The following VPS13A variants were observed in gnomAD, a reference collection of about 807,000 sequenced individuals.
The protein encoded by VPS13A is vacuolar protein sorting 13 homolog A.
A neutral mutation model predicts 390.9 loss-of-function variants in VPS13A; 264 were observed. The observed-to-expected ratio is 0.68, with a 90% CI of 0.61 to 0.75. The LOEUF (loss-of-function observed/expected upper bound fraction) is 0.75, where lower values mean the gene tolerates loss of function less well. Ranked by LOEUF, VPS13A falls within the 30% of genes least tolerant of loss-of-function variation. The probability of loss-of-function intolerance (pLI) is 0.00; values close to 1 mark genes in which losing one functional copy is unlikely to be tolerated. For synonymous variants in VPS13A, 1,231 were observed against 1,227.1 expected, an observed-to-expected ratio of 1.00 and a Z score of -0.07; for missense variants, 3,409 against 3,733.9, an observed-to-expected ratio of 0.91 and a Z score of 2.27.
chr9:77,240,920 T>G (rs972223469), intron 19 of VPS13A, among the ~76,000 whole-genome samples: 3 of 152,226 alleles, frequency 2.0e-5, no homozygotes, highest in Non-Finnish European at 4.4e-5. Context: ...TGTTTTTTTT[T>G]GTACATTATC....
intron 1 of VPS13A, among the ~76,000 whole-genome samples, chr9:77,196,283 G>T (rs1824995998): frequency 6.6e-6 from 1 of 152,056 alleles, no homozygotes. Flanking sequence ...AATCAAATTG[G>T]TATTTAGAAT....
chr9:77,253,830 T>G (rs1825283832), intron 22 of VPS13A, among the ~76,000 whole-genome samples: 1 of 152,104 alleles, frequency 6.6e-6, no homozygotes, highest in Non-Finnish European at 1.5e-5. Context: ...CTTTTCTTCT[T>G]TGTTTACCTT....
At chr9:77,409,402 C>T (rs990887114) in intron 71 of VPS13A, among the ~76,000 whole-genome samples, 19 of 152,174 alleles carry the variant, frequency 1.2e-4, no homozygotes, top group African/African-American at 3.4e-4. Flanking sequence ...CTCTCCTCCT[C>T]CAAAGGAACG....
At chr9:77,276,986 A>T (rs1315196505) in intron 26 of VPS13A, among the ~76,000 whole-genome samples, 1 of 152,122 alleles carries the variant, frequency 6.6e-6, no homozygotes, top group African/African-American at 2.4e-5. Flanking sequence ...GGGGGATTAG[A>T]GCGTAGGTAT....
At chr9:77,205,150 G>A (rs1217671529) in intron 3 of VPS13A, among the ~76,000 whole-genome samples, 163 bp from the exon 4 acceptor site, 1 of 152,126 alleles carries the variant, frequency 6.6e-6, no homozygotes, top group Admixed American at 6.5e-5. Flanking sequence ...ACAAACACTT[G>A]TTGTTTGTAG....
intron 59 of VPS13A, among the ~76,000 whole-genome samples, chr9:77,364,455 A>C (rs1013522032): frequency 6.6e-6 from 1 of 152,044 alleles, no homozygotes; most frequent in African/African-American, 2.4e-5. Flanking sequence ...AAAAAAACCC[A>C]TAAAGGAAGC....
intron 1 of VPS13A, among the ~76,000 whole-genome samples, chr9:77,186,227 T>C (rs72740395): frequency 0.037 from 5,665 of 152,324 alleles, 159 homozygotes; most frequent in Non-Finnish European, 0.054. Flanking sequence ...TTCTGCCCAT[T>C]GTAACATTGT....
chr9:77,272,409 G>A (rs1826402834), intron 23 of VPS13A, among the ~76,000 whole-genome samples: 1 of 152,158 alleles, frequency 6.6e-6, no homozygotes, highest in African/African-American at 2.4e-5. Context: ...TTATAGTAGT[G>A]CTACAAGCAA....
chr9:77,194,931 T>G, intron 1 of VPS13A, among the ~76,000 whole-genome samples: 1 of 152,152 alleles, frequency 6.6e-6, no homozygotes, highest in East Asian at 1.9e-4. Flanking sequence ...GTCTGTTCAC[T>G]GTATATAGTG....
chr9:77,177,843 C>A, intron 1 of VPS13A, 39 bp downstream of exon 1: 1 of 1,570,450 alleles, frequency 6.4e-7, no homozygotes. Flanking sequence ...GCCTCTCGTG[C>A]TTCCCGGCCG....
chr9:77,316,452 T>A lies in VPS13A; in HGVS notation c.4863+46T>A, dbSNP rs776467785. On this transcript the variant is annotated intron_variant, in intron 39 of 71. Transcript: ENST00000360280. ...TCTGCTTAATTGTAACTATTTTGGA[T>A]GTAGTGTATACCATTTTAGGAAACA... The A allele has an allele frequency of 1.3e-5, 20 of 1,543,258 alleles. 1 individual carries two copies. In the South Asian group the frequency reaches 2.1e-4, roughly 16 times the overall value.
intron 53 of VPS13A, among the ~76,000 whole-genome samples, chr9:77,353,190 C>A (rs1831565867): frequency 6.6e-6 from 1 of 151,952 alleles, no homozygotes; most frequent in Non-Finnish European, 1.5e-5. Flanking sequence ...ATTGGCCTGT[C>A]TTTATGAGTA....
intron 68 of VPS13A, among the ~76,000 whole-genome samples, chr9:77,386,495 C>CG (rs560738781): frequency 6.3e-4 from 92 of 146,008 alleles, no homozygotes; most frequent in African/African-American, 2.0e-3. Context: ...AAGAATTTAT[C>CG]GGAAAAAAAA....
In VPS13A at chr9:77,418,378, G is replaced by A. The variant is rs1835237151; in HGVS notation, c.*2372G>A. The A allele has an allele frequency of 2.0e-5, 3 of 152,166 alleles. No individual in the cohort carries two copies. Among genetic ancestry groups the A allele is most frequent in the African/African-American group, 7.2e-5 (3 of 41,442 alleles). 9.4% of individuals were successfully genotyped at this position (152,166 alleles called of 1,614,324 possible). ...ATAATTGTGTGAGGACTAAGGCAGA[G>A]TGCCTGTTCCCTGCCAACTCTCCAC... On this transcript the variant is annotated 3_prime_UTR_variant, in exon 72 of 72. Transcript: ENST00000360280.
intron 68 of VPS13A, among the ~76,000 whole-genome samples, chr9:77,386,223 T>G (rs1833676020): frequency 6.6e-6 from 1 of 152,196 alleles, no homozygotes; most frequent in African/African-American, 2.4e-5. Flanking sequence ...TTGGCCAAAA[T>G]CAAACAAAAC....
At chr9:77,264,168 C>T (rs1317718722) in intron 23 of VPS13A, among the ~76,000 whole-genome samples, 1 of 152,142 alleles carries the variant, frequency 6.6e-6, no homozygotes, top group Non-Finnish European at 1.5e-5. Flanking sequence ...TGTTTTGGTA[C>T]CAGTACCATT....
intron 34 of VPS13A, among the ~76,000 whole-genome samples, chr9:77,303,971 CTT>C (rs1239529462): frequency 2.0e-5 from 3 of 152,148 alleles, no homozygotes; most frequent in Non-Finnish European, 4.4e-5. Flanking sequence ...AGGCTTTCCT[CTT>C]TTACTAATCC....
intron 9 of VPS13A, among the ~76,000 whole-genome samples, chr9:77,213,629 T>C (rs149023289): frequency 8.2e-4 from 125 of 151,984 alleles, no homozygotes; most frequent in African/African-American, 2.1e-3. Context: ...GCCTCTTGAG[T>C]AGCGAGGACT....
intron 23 of VPS13A, among the ~76,000 whole-genome samples, chr9:77,265,386 T>C (rs543950982): frequency 7.7e-4 from 118 of 152,324 alleles, no homozygotes; most frequent in African/African-American, 2.6e-3. Flanking sequence ...ACCTCCTCTT[T>C]GTGCCTCTGG....
Sources: allele counts gnomAD v4.1 joint callset (sites outside exome capture counted in the v4.1 genomes callset), GRCh38; gene constraint gnomAD v4.1.1; transcripts MANE v1.5; gene names NCBI Gene and HGNC (gene_info 2026-07-23, HGNC 2026-07-21).